VDAC2: variants seen among roughly 807,000 people sequenced by gnomAD.
VDAC2 encodes non-selective voltage-gated ion channel VDAC2.
A neutral mutation model predicts 36.6 loss-of-function variants in VDAC2; 6 were observed. The observed-to-expected ratio is 0.16, with a 90% confidence interval of 0.09 to 0.32. VDAC2 has a LOEUF of 0.32. VDAC2 is among the 10% of genes least tolerant of loss of function. The probability of loss-of-function intolerance (pLI) is 1.00; values close to 1 mark genes in which losing one functional copy is unlikely to be tolerated. For synonymous variants in VDAC2, 109 were observed against 123.8 expected (o/e 0.88, Z 0.79); for missense variants, 247 against 346.0 (o/e 0.71, Z 2.27).
chr10:75,227,576 A>AGTTTTT (rs1841989654), intron 8 of VDAC2, among the ~76,000 whole-genome samples: 44 of 90,752 alleles, frequency 4.8e-4, no homozygotes, highest in Non-Finnish European at 5.4e-4. Context: ...AAATAATAGG[A>AGTTTTT]ATTTTTTTTT....
At chr10:75,220,513 CT>C (rs758255640) in intron 6 of VDAC2, among the ~76,000 whole-genome samples, 2 of 151,984 alleles carry the variant, frequency 1.3e-5, no homozygotes, top group Non-Finnish European at 1.5e-5. Context: ...TTCTAACAGG[CT>C]TTTGTGACTG....
At chr10:75,220,016 CAG>C (rs1007122641) in intron 6 of VDAC2, among the ~76,000 whole-genome samples, 1 of 150,236 alleles carries the variant, frequency 6.7e-6, no homozygotes, top group Non-Finnish European at 1.5e-5. Context: ...TTGGTAGAGA[CAG>C]GGTTTCACCG....
Position 75,212,805 on chromosome 10 carries a change from A to G in VDAC2, c.100+507A>G, listed in dbSNP as rs78439533. ...CCCCAATTTCCCAAAATTTTTAAAA[A>G]CTGTACTTAGAAGATTTGAGCCTTT... On this transcript the variant is annotated intron_variant, in intron 3 of 9. Transcript: ENST00000332211. Among the ~76,000 whole-genome samples the G allele has an allele frequency of 7.4e-4, 113 of 152,188 alleles. 1 individual carries two copies. In the East Asian group the frequency reaches 0.018, roughly 25 times the overall value.
intron 8 of VDAC2, 105 bp downstream of exon 8, chr10:75,222,507 G>C (rs142315471): frequency 0.017 from 24,019 of 1,420,612 alleles, 301 homozygotes; most frequent in Non-Finnish European, 0.021. Flanking sequence ...ACAGTCCCCA[G>C]TTTACAGATA....
chr10:75,217,713 T>C (rs1841650102), intron 4 of VDAC2, among the ~76,000 whole-genome samples: 1 of 152,188 alleles, frequency 6.6e-6, no homozygotes, highest in East Asian at 1.9e-4. Flanking sequence ...TTGAGGGCTA[T>C]GCTTTGACTT....
At chr10:75,228,619 A>AG (rs1842024873) in intron 8 of VDAC2, among the ~76,000 whole-genome samples, 1 of 152,218 alleles carries the variant, frequency 6.6e-6, no homozygotes, top group African/African-American at 2.4e-5. Flanking sequence ...AAGTGAATAC[A>AG]GGTGTTTTGG....
intron 7 of VDAC2, 108 bp from the exon 8 acceptor site, chr10:75,222,144 C>T: frequency 8.4e-7 from 1 of 1,194,906 alleles, no homozygotes; most frequent in Non-Finnish European, 1.2e-6. Context: ...CACTAAAGAC[C>T]CACTTGAGCT....
intron 2 of VDAC2, among the ~76,000 whole-genome samples, chr10:75,211,977 A>G (rs1161940179): frequency 6.6e-6 from 1 of 152,250 alleles, no homozygotes; most frequent in Non-Finnish European, 1.5e-5. Flanking sequence ...GGCTGTAGGT[A>G]ATAGACTGTT....
intron 8 of VDAC2, 85 bp downstream of exon 8, chr10:75,222,487 C>T: frequency 6.5e-7 from 1 of 1,531,438 alleles, no homozygotes; most frequent in Non-Finnish European, 8.9e-7. Flanking sequence ...AAAATTTGAA[C>T]TGATTTCACA....
At chr10:75,217,525 G>T (rs1841643010) in intron 4 of VDAC2, among the ~76,000 whole-genome samples, 1 of 152,058 alleles carries the variant, frequency 6.6e-6, no homozygotes, top group African/African-American at 2.4e-5. Flanking sequence ...TTACAGGGAT[G>T]CACCACCATG....
chr10:75,220,616 C>A, intron 6 of VDAC2, 127 bp from the exon 7 acceptor site: 1 of 752,792 alleles, frequency 1.3e-6, no homozygotes, highest in Admixed American at 3.0e-5. Context: ...CTTTTTTACT[C>A]CCTGTTATTG....
chr10:75,213,917 C>A, intron 3 of VDAC2, 104 bp from the exon 4 acceptor site: 1 of 1,112,502 alleles, frequency 9.0e-7, no homozygotes, highest in African/African-American at 1.6e-5. Flanking sequence ...TTATCCACCT[C>A]TGAATATGTG....
At chr10:75,213,339 C>A (rs948082135) in intron 3 of VDAC2, among the ~76,000 whole-genome samples, 2 of 152,092 alleles carry the variant, frequency 1.3e-5, no homozygotes. Flanking sequence ...CTCGACTACC[C>A]GAAGTGCTAG....
chr10:75,220,978 T>C lies in VDAC2; in HGVS notation c.584+8T>C. 1 of 1,610,318 alleles carries C rather than the reference T, an allele frequency of 6.2e-7. No homozygotes were observed. Among genetic ancestry groups the C allele is most frequent in the South Asian group, 1.1e-5 (1 of 90,764 alleles). ...CCAGCTACACACTAATGTGTAAGTA[T>C]TTCTTTCATAGGATACTGTGATGTG... On this transcript the variant is annotated splice_region_variant and intron_variant, in intron 7 of 9. Coordinates refer to ENST00000332211, the MANE Select transcript of VDAC2 (RefSeq NM_001391963.1).
intron 8 of VDAC2, 119 bp downstream of exon 8, chr10:75,222,521 T>C: frequency 7.4e-7 from 1 of 1,356,914 alleles, no homozygotes; most frequent in Non-Finnish European, 1.0e-6. Context: ...ACAGATAGAT[T>C]AGTTTTAGAT....
Position 75,220,831 on chromosome 10 carries a change from A to G in VDAC2, c.445A>G (p.Ile149Val), listed in dbSNP as rs547260094. Residue 149 changes from isoleucine (I) to valine (V), a missense_variant, in exon 7 of 10, where the codon ATC becomes GTC. This residue lies in a region of VDAC2 where 159 missense variants were observed against 234.0 expected (regional missense o/e 0.68). Coordinates refer to ENST00000332211, the MANE Select transcript of VDAC2 (RefSeq NM_001391963.1). ...DVDFDFAGPA[I>V]HGSAVFGYEG... Reference sequence around the variant, plus strand: ...TGACTTTGATTTTGCTGGACCTGCAATCCATGGTTCAGCTGTCTTTGGTTA... The same window carrying G: ...TGACTTTGATTTTGCTGGACCTGCAGTCCATGGTTCAGCTGTCTTTGGTTA... The G allele has an allele frequency of 2.5e-6, 4 of 1,613,614 alleles. No homozygotes were observed. The highest frequency in any genetic ancestry group is 2.2e-5 in the South Asian group (2 of 91,026).
At chr10:75,222,442 T>G (rs1841840947) in intron 8 of VDAC2, 40 bp downstream of exon 8, 1 of 1,610,866 alleles carries the variant, frequency 6.2e-7, no homozygotes, top group Non-Finnish European at 8.5e-7. Context: ...GTTTTGGTTG[T>G]GGGAATGAGT....
Position 75,210,949 on chromosome 10 carries a change from G to T in VDAC2, c.-26+11G>T. On this transcript the variant is annotated intron_variant, in intron 1 of 9. Transcript: ENST00000332211. ...TCAGGACACCACCAGGTACCGCCGC[G>T]CCCGCCTCACGCCGACCCAGGGGCC... 1 of 454,524 alleles carries T rather than the reference G, an allele frequency of 2.2e-6. No individual in the cohort carries two copies. 28.2% of individuals were successfully genotyped at this position (454,524 alleles called of 1,614,324 possible).
intron 8 of VDAC2, among the ~76,000 whole-genome samples, chr10:75,227,433 G>T (rs1841984428): frequency 6.6e-6 from 1 of 152,134 alleles, no homozygotes; most frequent in Non-Finnish European, 1.5e-5. Context: ...AGAACATCTA[G>T]CTGGAGTCTG....
Sources: allele counts gnomAD v4.1 joint callset (sites outside exome capture counted in the v4.1 genomes callset), GRCh38; gene constraint gnomAD v4.1.1; regional missense constraint gnomAD v4.1.1; transcripts MANE v1.5; gene names NCBI Gene and HGNC (gene_info 2026-07-23, HGNC 2026-07-21).